The following ANPEP variants were observed in gnomAD, a reference collection of about 807,000 sequenced individuals.
ANPEP encodes the protein aminopeptidase N.
In ANPEP, 70 loss-of-function variants were observed where a neutral mutation model predicts 114.6. That is an observed-to-expected ratio of 0.61 (90% CI 0.50 to 0.75). The LOEUF is 0.75. Among genes scored for constraint, ANPEP ranks in the 30% least tolerant of loss-of-function variants. The pLI is 0.00. For missense variants in ANPEP, 1,184 were observed against 1,259.5 expected, an observed-to-expected ratio of 0.94 and a Z score of 0.91; for synonymous variants, 548 against 522.3, an observed-to-expected ratio of 1.05 and a Z score of -0.67.
Position 89,799,163 on chromosome 15 carries a change from T to A in ANPEP, c.2009+97A>T. ...AGCTCAGGGCACAGCACGTGGCATA[T>A]GGGAAGGGCAGCAGGAGGAGCAGGG... On this transcript the variant is annotated intron_variant, in intron 14 of 20. Transcript: ENST00000300060. The surrounding 1 kb of genome is among the most constrained non-coding windows in gnomAD (Gnocchi z 4.2). The A allele has an allele frequency of 1.4e-6, 2 of 1,420,276 alleles. No individual in the cohort carries two copies. The highest frequency in any genetic ancestry group is 1.7e-5 in the Admixed American group (1 of 57,652). 88.0% of individuals were successfully genotyped at this position (1,420,276 alleles called of 1,614,324 possible).
At chr15:89,811,625 G>A (rs1313335625) in intron 1 of ANPEP, among the ~76,000 whole-genome samples, 3 of 149,186 alleles carry the variant, frequency 2.0e-5, no homozygotes, top group Admixed American at 1.3e-4. Flanking sequence ...CAGCCTGGGC[G>A]ACAGAGTGAG....
chr15:89,803,499 T>C lies in ANPEP; in HGVS notation c.1446A>G (p.Ser482=), dbSNP rs997845766. 2 of 1,607,408 alleles carry C rather than the reference T, an allele frequency of 1.2e-6. No homozygotes were observed. The highest frequency in any genetic ancestry group is 2.7e-5 in the African/African-American group (2 of 74,932). Residue 482 remains serine, a synonymous_variant, in exon 9 of 21, where the codon TCA becomes TCG. Coordinates refer to ENST00000300060, the MANE Select transcript of ANPEP (RefSeq NM_001150.3). The surrounding 1 kb of genome is among the most constrained non-coding windows in gnomAD (Gnocchi z 4.2). The part of the protein sequence containing the change: ...FDAISYSKGA[S]VLRMLSSFLS... ...GGAAGCTGGAGAGCATCCTGAGGAC[T>C]GAGGCGCCCTGGGGTGGGGGTGAGG...
Position 89,806,005 on chromosome 15 carries a change from G to C in ANPEP, c.579C>G (p.Phe193Leu). 2.5e-6 allele frequency: 4 copies of C among 1,606,232 alleles called. No individual in the cohort carries two copies. Among genetic ancestry groups the C allele is most frequent in the Non-Finnish European group, 3.4e-6 (4 of 1,174,228 alleles). Reference protein sequence around the residue: ...EGELADDLAGFYRSEYMEGNV... With the variant: ...EGELADDLAGLYRSEYMEGNV... ...TGCCCTCCATGTACTCGCTGCGGTA[G>C]AAGCCCGCCAGGTCATCTGCCAACT... is the stretch of plus-strand genomic sequence containing the variant. Residue 193 changes from phenylalanine (F) to leucine (L), a missense_variant, in exon 2 of 21, where the codon TTC (phenylalanine) becomes TTG (leucine). Phe to Leu is a conservative substitution (Grantham distance 22, BLOSUM62 0). Transcript: ENST00000300060. This position sits in a 1 kb window ranked among gnomAD's most constrained non-coding sequence, Gnocchi z 5.7.
chr15:89,803,302 G>A lies in ANPEP; in HGVS notation c.1506C>T (p.Ser502=). The change falls in exon 10 of 21, where the codon TCC becomes TCT. Residue 502 remains serine, a splice_region_variant and synonymous_variant. Transcript: ENST00000300060. The surrounding 1 kb of genome is among the most constrained non-coding windows in gnomAD (Gnocchi z 4.2). The stretch of plus-strand genomic sequence containing the variant: ...TCTGGTAGGCAAAGGTGTGGAGGTA[G>A]GACTGTGGAAAGACGGGGCACAGTG... ...SEDVFKQGLA[S]YLHTFAYQNT... is the part of the protein sequence containing the mutation. 1.2e-6 allele frequency: 2 copies of A among 1,614,128 alleles called. No homozygotes were observed. Among genetic ancestry groups the A allele is most frequent in the Non-Finnish European group, 1.7e-6 (2 of 1,179,966 alleles).
At chr15:89,793,333 A>G (rs1968668855) in intron 15 of ANPEP, 1 of 495,168 alleles carries the variant, frequency 2.0e-6, no homozygotes, top group Non-Finnish European at 3.6e-6. Context: ...AGCCTTAGTC[A>G]GTTGCAATAT....
Position 89,804,536 on chromosome 15 carries a change from A to T in ANPEP, c.979T>A (p.Phe327Ile). Reference protein sequence around the residue: ...ALNVTGPILNFFAGHYDTPYP... With the variant: ...ALNVTGPILNIFAGHYDTPYP... Reference sequence around the variant, plus strand: ...GGTGTGTCATAATGACCAGCAAAGAAGTTAAGGATGGGGCCCGTCACGTTC... The same window carrying T: ...GGTGTGTCATAATGACCAGCAAAGATGTTAAGGATGGGGCCCGTCACGTTC... Residue 327 changes from phenylalanine (F) to isoleucine (I), a missense_variant, in exon 5 of 21, where the codon TTC becomes ATC. Transcript: ENST00000300060. 6.2e-7 allele frequency: 1 copy of T among 1,614,166 alleles called. No individual in the cohort carries two copies. The highest frequency in any genetic ancestry group is 8.5e-7 in the Non-Finnish European group (1 of 1,180,016).
chr15:89,798,085 G>A (rs538302001), intron 14 of ANPEP, among the ~76,000 whole-genome samples: 1 of 152,354 alleles, frequency 6.6e-6, no homozygotes, highest in South Asian at 2.1e-4. Context: ...CAAGAAGCCC[G>A]TGTTCTTAAC....
intron 20 of ANPEP, among the ~76,000 whole-genome samples, chr15:89,788,953 G>T (rs1239572575): frequency 6.6e-6 from 1 of 151,538 alleles, no homozygotes; most frequent in Non-Finnish European, 1.5e-5. Context: ...CACTTAAAAT[G>T]GTGAGTTTGA....
intron 15 of ANPEP, 150 bp downstream of exon 15, chr15:89,797,425 G>T: frequency 8.4e-7 from 1 of 1,196,290 alleles, no homozygotes; most frequent in Non-Finnish European, 1.2e-6. Flanking sequence ...AACCTGACAA[G>T]GCAATCTTTC....
chr15:89,804,804 GAGA>G, intron 4 of ANPEP, 187 bp from the exon 5 acceptor site: 1 of 895,328 alleles, frequency 1.1e-6, no homozygotes, highest in East Asian at 2.6e-5. Context: ...GTGGGTCCTA[GAGA>G]AGGGCCTTTG....
At chr15:89,793,182 C>G in intron 15 of ANPEP, 56 bp from the exon 16 acceptor site, 1 of 1,481,162 alleles carries the variant, frequency 6.8e-7, no homozygotes, top group East Asian at 2.3e-5. Context: ...CTGCCTGGAG[C>G]CCCACAGAGC....
Position 89,806,192 on chromosome 15 carries a change from A to G in ANPEP, c.392T>C (p.Leu131Pro), listed in dbSNP as rs759649376. The change falls in exon 2 of 21, where the codon CTC becomes CCC. Residue 131 changes from leucine to proline, a missense_variant. By Grantham distance (98) the Leu-to-Pro change is moderately conservative. Coordinates refer to ENST00000300060, the MANE Select transcript of ANPEP (RefSeq NM_001150.3). This position sits in a 1 kb window ranked among gnomAD's most constrained non-coding sequence, Gnocchi z 5.7. Reference sequence around the variant, plus strand: ...CAGGACCACCCTGTGCCCCTGGCTGAGGGTGTAGTTGAGCTTCTTGCTGTG... The same window carrying G: ...CAGGACCACCCTGTGCCCCTGGCTGGGGGTGTAGTTGAGCTTCTTGCTGTG... ...IIHSKKLNYT[L>P]SQGHRVVLRG... The G allele has an allele frequency of 1.2e-6, 2 of 1,614,040 alleles. No individual in the cohort carries two copies. Among genetic ancestry groups the G allele is most frequent in the Non-Finnish European group, 1.7e-6 (2 of 1,180,004 alleles).
chr15:89,791,375 C>G (rs1387148559), intron 18 of ANPEP, among the ~76,000 whole-genome samples: 1 of 152,164 alleles, frequency 6.6e-6, no homozygotes, highest in East Asian at 1.9e-4. Flanking sequence ...GCCCTGGCAC[C>G]AGGTGGGTGG....
chr15:89,797,652 G>C lies in ANPEP; in HGVS notation c.2080C>G (p.Pro694Ala). 1.2e-6 allele frequency: 2 copies of C among 1,614,176 alleles called. No individual in the cohort carries two copies. Among genetic ancestry groups the C allele is most frequent in the Non-Finnish European group, 1.7e-6 (2 of 1,180,032 alleles). Residue 694 changes from proline to alanine, a missense_variant, in exon 15 of 21, where the codon CCC (proline) becomes GCC (alanine). Physicochemically the swap from Pro to Ala is conservative, Grantham distance 27 (BLOSUM62 -1). Transcript: ENST00000300060. ...LFLIEERQYM[P>A]WEAALSSLSY... ...AGGCTGCTCAGGGCGGCCTCCCAGG[G>C]CATGTACTGTCTCTCTTCAATCAGG...
At chr15:89,805,626 G>A (rs1482606354) in intron 2 of ANPEP, among the ~76,000 whole-genome samples, 163 bp from the exon 3 acceptor site, 1 of 152,204 alleles carries the variant, frequency 6.6e-6, no homozygotes. Context: ...CCGGAGCCCT[G>A]CCAGGCCAGC....
At chr15:89,810,128 C>A (rs1223653693) in intron 1 of ANPEP, among the ~76,000 whole-genome samples, 1 of 152,124 alleles carries the variant, frequency 6.6e-6, no homozygotes, top group African/African-American at 2.4e-5. Flanking sequence ...GCCTGTAATC[C>A]CAGCACTTTA....
intron 20 of ANPEP, among the ~76,000 whole-genome samples, chr15:89,787,640 G>T (rs1459690481): frequency 6.6e-6 from 1 of 152,058 alleles, no homozygotes; most frequent in Non-Finnish European, 1.5e-5. Flanking sequence ...AATATATAAA[G>T]AACTCTTACA....
At position 89,804,633 on chromosome 15, in the gene ANPEP, AAGAAGCAGACC is replaced by A. The variant is rs1481783921; in HGVS notation, c.898-27_898-17del. 6.2e-7 allele frequency: 1 copy of A among 1,611,768 alleles called. No homozygotes were observed. The highest frequency in any genetic ancestry group is 8.5e-7 in the Non-Finnish European group (1 of 1,178,944). On this transcript the variant is annotated splice_polypyrimidine_tract_variant and intron_variant, in intron 4 of 20. Coordinates refer to ENST00000300060, the MANE Select transcript of ANPEP (RefSeq NM_001150.3). ...AGATCCGGATCTGCAAGGTGTGAGG[AAGAAGCAGACC>A]AGGGGCTCCTGTTTGATCCTGGGGC...
intron 15 of ANPEP, among the ~76,000 whole-genome samples, chr15:89,796,872 G>A (rs1259283841): frequency 2.6e-5 from 4 of 152,080 alleles, no homozygotes; most frequent in Non-Finnish European, 4.4e-5. Flanking sequence ...ACCCTGAAAT[G>A]GATATTCTAC....
Sources: gnomAD v4.1 joint callset for allele counts (sites outside exome capture counted in the v4.1 genomes callset) on GRCh38, gnomAD v4.1.1 for gene constraint, Gnocchi (gnomAD v3.1) non-coding constraint, MANE v1.5 for transcripts, NCBI Gene and HGNC (gene_info 2026-07-23, HGNC 2026-07-21) for gene names.